ESRRG: variants seen among roughly 807,000 people sequenced by gnomAD.
The protein encoded by ESRRG is estrogen related receptor gamma, also known as estrogen-related receptor gamma.
A neutral mutation model predicts 44.0 loss-of-function variants in ESRRG; 13 were observed. The ratio of observed to expected loss-of-function variants is 0.30; its 90% CI spans 0.19 to 0.47. ESRRG has a LOEUF of 0.47. ESRRG is among the 20% of genes least tolerant of loss of function. The pLI, the probability that ESRRG is intolerant of heterozygous loss-of-function variation, is 1.00. For synonymous variants in ESRRG, 215 were observed against 214.6 expected, an observed-to-expected ratio of 1.00 and a Z score of -0.02; for missense variants, 395 against 580.6, an observed-to-expected ratio of 0.68 and a Z score of 3.29.
At chr1:216,912,187 AGAGG>A (rs1560083511) in intron 2 of ESRRG, among the ~76,000 whole-genome samples, 297 of 9,400 alleles carry the variant, frequency 0.032, 28 homozygotes, top group Middle Eastern at 0.083. Context: ...AAAGAAAAGG[AGAGG>A]AGAGGAGAGG....
chr1:217,063,565 G>C (rs1580286555), intron 1 of ESRRG, among the ~76,000 whole-genome samples: 1 of 152,304 alleles, frequency 6.6e-6, no homozygotes, highest in East Asian at 1.9e-4. Flanking sequence ...AACTGGGATA[G>C]TGAGTTAACA....
chr1:216,709,023 C>A (rs1168685263), intron 1 of ESRRG, among the ~76,000 whole-genome samples: 1 of 152,008 alleles, frequency 6.6e-6, no homozygotes, highest in Admixed American at 6.5e-5. Context: ...AATAAGAACA[C>A]ATGGACACAG....
chr1:217,052,665 G>A (rs1227529184), intron 1 of ESRRG, among the ~76,000 whole-genome samples: 1 of 152,156 alleles, frequency 6.6e-6, no homozygotes, highest in Non-Finnish European at 1.5e-5. Flanking sequence ...CTTCCAAAGG[G>A]ACAACTGCTA....
chr1:217,007,536 C>G (rs1270927748), intron 1 of ESRRG, among the ~76,000 whole-genome samples: 4 of 152,148 alleles, frequency 2.6e-5, no homozygotes, highest in Non-Finnish European at 5.9e-5. Context: ...TTGTCAAAAA[C>G]CATTTATGAC....
At chr1:217,081,221 C>CCT (rs750003890) in intron 1 of ESRRG, among the ~76,000 whole-genome samples, 1 of 70,410 alleles carries the variant, frequency 1.4e-5, no homozygotes, top group Non-Finnish European at 2.4e-5. Context: ...TAAAAATATT[C>CCT]TTTTTTTTTT....
intron 1 of ESRRG, among the ~76,000 whole-genome samples, chr1:217,129,719 G>A (rs1194498122): frequency 2.0e-5 from 3 of 152,132 alleles, no homozygotes; most frequent in Non-Finnish European, 1.5e-5. Flanking sequence ...AAGGCCAAAT[G>A]TTAAATGATT....
chr1:216,729,795 T>G (rs557262448), intron 2 of ESRRG, among the ~76,000 whole-genome samples: 105 of 152,308 alleles, frequency 6.9e-4, no homozygotes, highest in Middle Eastern at 3.4e-3. Flanking sequence ...CAGTCAATAA[T>G]GCTGTTGATT....
At chr1:216,871,897 C>A (rs539582097) in intron 2 of ESRRG, among the ~76,000 whole-genome samples, 6 of 152,148 alleles carry the variant, frequency 3.9e-5, no homozygotes, top group Non-Finnish European at 8.8e-5. Context: ...CTTACTATTT[C>A]TTTTGCTGTT....
At chr1:216,539,645 C>T (rs2052092324) in intron 5 of ESRRG, among the ~76,000 whole-genome samples, 1 of 152,006 alleles carries the variant, frequency 6.6e-6, no homozygotes, top group African/African-American at 2.4e-5. Flanking sequence ...TTTTTGGTTA[C>T]ATTTGTTCAC....
chr1:216,767,493 C>G (rs2093142330), intron 2 of ESRRG, among the ~76,000 whole-genome samples: 1 of 152,076 alleles, frequency 6.6e-6, no homozygotes, highest in South Asian at 2.1e-4. Context: ...GAGTTTTTGT[C>G]AGCTACAGCT....
At chr1:216,688,637 AT>A (rs1265143218) in intron 1 of ESRRG, among the ~76,000 whole-genome samples, 6 of 152,144 alleles carry the variant, frequency 3.9e-5, no homozygotes, top group South Asian at 2.1e-4. Context: ...ATTAAAATGT[AT>A]TCCTGGTAAG....
chr1:216,593,102 A>G (rs566751053), intron 3 of ESRRG, among the ~76,000 whole-genome samples: 6 of 152,316 alleles, frequency 3.9e-5, no homozygotes, highest in African/African-American at 1.4e-4. Flanking sequence ...AATCTATTAG[A>G]GAAAGAACAG....
chr1:216,878,811 A>G (rs2096397432), intron 2 of ESRRG, among the ~76,000 whole-genome samples: 1 of 152,260 alleles, frequency 6.6e-6, no homozygotes, highest in Non-Finnish European at 1.5e-5. Flanking sequence ...AAAATACTGC[A>G]AAAGTATTAA....
intron 1 of ESRRG, among the ~76,000 whole-genome samples, chr1:217,103,575 T>A (rs1488753642): frequency 6.6e-6 from 1 of 151,906 alleles, no homozygotes; most frequent in Non-Finnish European, 1.5e-5. Flanking sequence ...GGAGGATCAC[T>A]TCAGCCCAGG....
chr1:216,777,175 G>A (rs963443428), intron 2 of ESRRG, among the ~76,000 whole-genome samples: 5 of 152,036 alleles, frequency 3.3e-5, no homozygotes, highest in South Asian at 2.1e-4. Context: ...AAAAGATGAC[G>A]CTAACATAAA....
At chr1:216,895,987 T>G (rs544973340) in intron 2 of ESRRG, among the ~76,000 whole-genome samples, 34 of 152,346 alleles carry the variant, frequency 2.2e-4, no homozygotes, top group African/African-American at 7.9e-4. Flanking sequence ...AGGTTTCTCC[T>G]TGTACTCATT....
chr1:217,117,641 A>G (rs562470887), intron 1 of ESRRG, among the ~76,000 whole-genome samples: 5 of 152,258 alleles, frequency 3.3e-5, no homozygotes, highest in African/African-American at 1.2e-4. Context: ...GATGACATCA[A>G]ATAAAGTTAT....
At chr1:216,535,447 T>C (rs2050651486) in intron 5 of ESRRG, among the ~76,000 whole-genome samples, 1 of 152,100 alleles carries the variant, frequency 6.6e-6, no homozygotes, top group Admixed American at 6.6e-5. Flanking sequence ...GTGTATTTTA[T>C]CCTGCAAACA....
chr1:216,844,646 A>T (rs2095711027), intron 2 of ESRRG, among the ~76,000 whole-genome samples: 1 of 152,080 alleles, frequency 6.6e-6, no homozygotes, highest in South Asian at 2.1e-4. Context: ...TTTCTACTCA[A>T]ATATGAATTT....
Sources: allele counts gnomAD v4.1 joint callset (sites outside exome capture counted in the v4.1 genomes callset), GRCh38; gene constraint gnomAD v4.1.1; transcripts MANE v1.5; gene names NCBI Gene and HGNC (gene_info 2026-07-23, HGNC 2026-07-21).